Variants in ULK4 observed in about 807,000 individuals in gnomAD.
The protein encoded by ULK4 is unc-51 like kinase 4.
In ULK4, 133 loss-of-function variants were observed where a neutral mutation model predicts 160.6. That is an observed-to-expected ratio of 0.83 (90% CI 0.72 to 0.96). The LOEUF (loss-of-function observed/expected upper bound fraction) is 0.96, where lower values mean the gene tolerates loss of function less well. Among genes scored for constraint, ULK4 ranks in the 40% least tolerant of loss-of-function variants. The pLI is 0.00. For missense variants in ULK4, 1,580 were observed against 1,499.5 expected, an observed-to-expected ratio of 1.05 and a Z score of -0.89; for synonymous variants, 534 against 539.8, an observed-to-expected ratio of 0.99 and a Z score of 0.15.
At chr3:41,935,281 C>T (rs34121549) in intron 4 of ULK4, among the ~76,000 whole-genome samples, 110,155 of 147,364 alleles carry the variant, frequency 0.75, 42,166 homozygotes, top group East Asian at 0.84. Flanking sequence ...GGCTGGAGTG[C>T]AGTGGCACGA....
Position 41,882,251 on chromosome 3 carries a change from CAA to C in ULK4, c.1656+1621_1656+1622del, listed in dbSNP as rs143964967. On this transcript the variant is annotated intron_variant, in intron 17 of 36. Coordinates refer to ENST00000301831, the MANE Select transcript of ULK4 (RefSeq NM_017886.4). ...GAGTGGAGTGTTGAACAAGACAGTTCAAAATCCCGATTCCAATGGAGCTTGTA... is the reference window on the plus strand; with the variant it reads ...GAGTGGAGTGTTGAACAAGACAGTTCAATCCCGATTCCAATGGAGCTTGTA... 3.3e-4 allele frequency: 229 copies of C among 702,928 alleles called. 1 individual carries two copies. In the African/African-American group the frequency reaches 3.7e-3, roughly 11 times the overall value. The allele number at this position is 702,928 out of a possible 1,614,324, so 43.5% of individuals were successfully genotyped here. A position where few individuals can be genotyped will look rare whatever the true frequency, so the allele number is the denominator to read the frequency against.
chr3:41,399,323 C>T (rs1276414819), intron 34 of ULK4, among the ~76,000 whole-genome samples: 1 of 152,072 alleles, frequency 6.6e-6, no homozygotes, highest in Non-Finnish European at 1.5e-5. Flanking sequence ...TGTGCAGACC[C>T]TTTGTCCATT....
chr3:41,431,547 C>CATTTTTTTTTT lies in ULK4; in HGVS notation c.3492+23949_3492+23950insAAAAAAAAAAT, dbSNP rs563543377. 2.5e-3 allele frequency among the ~76,000 whole-genome samples: 239 copies of CATTTTTTTTTT among 95,846 alleles called. 15 individuals carry two copies. The highest frequency in any genetic ancestry group is 9.5e-3 in the African/African-American group (224 of 23,672). 62.9% of individuals were successfully genotyped at this position (95,846 alleles called of 152,430 possible). ...CCTGTGAGGTGTTGTAATTCCCTCC[C>CATTTTTTTTTT]TTTTTTTTTTTTTTTGATGTGGAAA... On this transcript the variant is annotated intron_variant, in intron 34 of 36. Transcript: ENST00000301831.
At chr3:41,954,204 CA>C (rs1424526380) in intron 2 of ULK4, among the ~76,000 whole-genome samples, 2 of 137,892 alleles carry the variant, frequency 1.5e-5, no homozygotes, top group Non-Finnish European at 1.6e-5. Flanking sequence ...AAGAAAAATA[CA>C]AAAAATTAGC....
chr3:41,681,815 G>C lies in ULK4; in HGVS notation c.2782-11C>G. The C allele has an allele frequency of 6.2e-7, 1 of 1,613,736 alleles. No individual in the cohort carries two copies. Among genetic ancestry groups the C allele is most frequent in the South Asian group, 1.1e-5 (1 of 91,014 alleles). On this transcript the variant is annotated splice_polypyrimidine_tract_variant and intron_variant, in intron 27 of 36. Transcript: ENST00000301831. The stretch of plus-strand genomic sequence containing the variant: ...TATATAGTCAACAACCTAAAAGAAA[G>C]CATGTAAAAGACTCAGAATCTCTAT...
intron 21 of ULK4, among the ~76,000 whole-genome samples, chr3:41,771,867 C>T (rs1416314624): frequency 6.6e-6 from 1 of 152,160 alleles, no homozygotes; most frequent in Non-Finnish European, 1.5e-5. Flanking sequence ...ATCCATGTGA[C>T]TTTATCAAAT....
intron 35 of ULK4, among the ~76,000 whole-genome samples, chr3:41,325,467 T>C (rs2080322702): frequency 6.6e-6 from 1 of 152,226 alleles, no homozygotes; most frequent in African/African-American, 2.4e-5. Flanking sequence ...CACATACTTT[T>C]GATGCAAACA....
chr3:41,608,093 C>A (rs1488588103), intron 31 of ULK4, among the ~76,000 whole-genome samples: 3 of 152,136 alleles, frequency 2.0e-5, no homozygotes, highest in South Asian at 2.1e-4. Context: ...TAATAACTTG[C>A]CCCTATTGAC....
chr3:41,961,208 G>GAGAGCGAACAGGTGATA (rs1423683883), intron 1 of ULK4, among the ~76,000 whole-genome samples: 2 of 152,182 alleles, frequency 1.3e-5, no homozygotes, highest in Admixed American at 6.5e-5. Flanking sequence ...AAGGAACGCT[G>GAGAGCGAACAGGTGATA]AGAGCGAACA....
chr3:41,443,344 T>C (rs2083216136), intron 34 of ULK4, among the ~76,000 whole-genome samples: 1 of 152,236 alleles, frequency 6.6e-6, no homozygotes, highest in Admixed American at 6.5e-5. Flanking sequence ...CTTTCACTTA[T>C]CAACTTTTGT....
intron 31 of ULK4, among the ~76,000 whole-genome samples, chr3:41,584,516 G>A (rs1019273628): frequency 1.3e-5 from 2 of 151,918 alleles, no homozygotes; most frequent in Admixed American, 6.6e-5. Context: ...TCAACCCCTG[G>A]GCTGAAGTGA....
At chr3:41,668,135 T>G (rs944719621) in intron 29 of ULK4, among the ~76,000 whole-genome samples, 2 of 152,216 alleles carry the variant, frequency 1.3e-5, no homozygotes, top group African/African-American at 4.8e-5. Context: ...AAGTCCATTC[T>G]GCAGGGATTA....
At chr3:41,419,711 G>A (rs181555456) in intron 34 of ULK4, among the ~76,000 whole-genome samples, 256 of 152,230 alleles carry the variant, frequency 1.7e-3, no homozygotes, top group Non-Finnish European at 2.9e-3. Context: ...GCAAAGTGCT[G>A]GCATCACTGT....
At chr3:41,457,595 G>A (rs958807045) in intron 33 of ULK4, among the ~76,000 whole-genome samples, 3 of 152,148 alleles carry the variant, frequency 2.0e-5, no homozygotes, top group Non-Finnish European at 2.9e-5. Context: ...AAACACTGAA[G>A]CCCCCAGAAT....
chr3:41,338,769 CATATATATATATATGAT>C (rs989946491), intron 35 of ULK4, among the ~76,000 whole-genome samples: 10 of 147,896 alleles, frequency 6.8e-5, no homozygotes, highest in Non-Finnish European at 1.0e-4. Context: ...ATATATATGA[CATATATATATATATGAT>C]ATACATATCA....
chr3:41,822,497 A>C (rs2041177931), intron 18 of ULK4, among the ~76,000 whole-genome samples: 1 of 152,004 alleles, frequency 6.6e-6, no homozygotes, highest in South Asian at 2.1e-4. Context: ...AGCTCACTGC[A>C]ACCACCACCT....
chr3:41,584,257 T>C (rs1188818040), intron 31 of ULK4, among the ~76,000 whole-genome samples: 1 of 152,162 alleles, frequency 6.6e-6, no homozygotes, highest in Non-Finnish European at 1.5e-5. Context: ...AATGAAGCAA[T>C]TCTGAACTAT....
intron 35 of ULK4, among the ~76,000 whole-genome samples, chr3:41,299,969 T>C (rs2079749770): frequency 6.6e-6 from 1 of 152,158 alleles, no homozygotes; most frequent in Non-Finnish European, 1.5e-5. Flanking sequence ...AGGAGCAGAA[T>C]TACCAAGTCA....
chr3:41,768,986 T>C (rs2039262060), intron 21 of ULK4, among the ~76,000 whole-genome samples: 1 of 152,204 alleles, frequency 6.6e-6, no homozygotes, highest in African/African-American at 2.4e-5. Context: ...CAAGCCATTA[T>C]AGATTAGGGA....
Sources: gnomAD v4.1 joint callset for allele counts (sites outside exome capture counted in the v4.1 genomes callset) on GRCh38, gnomAD v4.1.1 for gene constraint, MANE v1.5 for transcripts, NCBI Gene and HGNC (gene_info 2026-07-23, HGNC 2026-07-21) for gene names.